The following CELF2 variants were observed in gnomAD, a reference collection of about 807,000 sequenced individuals.
CELF2 encodes the protein CUG triplet repeat RNA-binding protein 2.
CELF2 carries 8 observed loss-of-function variants against 62.6 expected under a neutral mutation model. The observed-to-expected ratio is 0.13, with a 90% CI of 0.07 to 0.23. The LOEUF (loss-of-function observed/expected upper bound fraction) is 0.23, where lower values mean the gene tolerates loss of function less well. CELF2 is among the 10% of genes least tolerant of loss of function. The pLI is 1.00. For synonymous variants in CELF2, 258 were observed against 250.0 expected, an observed-to-expected ratio of 1.03 and a Z score of -0.30; for missense variants, 333 against 671.0, an observed-to-expected ratio of 0.50 and a Z score of 5.56.
chr10:11,293,262 G>A (rs1349096933), intron 9 of CELF2, among the ~76,000 whole-genome samples: 1 of 152,236 alleles, frequency 6.6e-6, no homozygotes, highest in Non-Finnish European at 1.5e-5. Flanking sequence ...TGAGAATAGT[G>A]TGGGTGGGTA....
At chr10:10,989,326 A>G (rs1020056344) in intron 2 of CELF2, among the ~76,000 whole-genome samples, 1 of 152,150 alleles carries the variant, frequency 6.6e-6, no homozygotes, top group Non-Finnish European at 1.5e-5. Context: ...GCTATACCAG[A>G]TGTTAGAAAG....
chr10:11,140,651 A>C (rs1285615469), intron 1 of CELF2, among the ~76,000 whole-genome samples: 1 of 152,208 alleles, frequency 6.6e-6, no homozygotes, highest in Admixed American at 6.5e-5. Context: ...AAATTTCGCT[A>C]TTTAAGATTT....
At chr10:10,752,812 A>AG in the CELF2 span, among the ~76,000 whole-genome samples, 1 of 150,850 alleles carries the variant, frequency 6.6e-6, no homozygotes, top group Admixed American at 6.6e-5. Context: ...TAAAAAAAAA[A>AG]AAAAAAAAAA....
chr10:11,028,034 C>G (rs1038032095), intron 1 of CELF2, among the ~76,000 whole-genome samples: 15 of 152,300 alleles, frequency 9.8e-5, no homozygotes, highest in Middle Eastern at 6.8e-3. Context: ...TCGGAACTTT[C>G]ATGCTTTTAA....
rs1384511880 is a variant in CELF2 at position 11,157,239 on chromosome 10, C to T, written c.75-8247C>T. Among the ~76,000 whole-genome samples, 2 of 152,188 alleles carry T rather than the reference C, an allele frequency of 1.3e-5. No individual in the cohort carries two copies. Among genetic ancestry groups the T allele is most frequent in the African/African-American group, 4.8e-5 (2 of 41,424 alleles). The stretch of plus-strand genomic sequence containing the variant: ...TCACACATGCATGGTTGTAGAGGAG[C>T]TGTGCTCTGGGGCCGCGTTTCCCAC... On this transcript the variant is annotated intron_variant, in intron 1 of 12. Transcript: ENST00000633077. The surrounding 1 kb of genome is among the most constrained non-coding windows in gnomAD (Gnocchi z 4.9).
intron 1 of CELF2, among the ~76,000 whole-genome samples, chr10:11,063,337 A>T (rs1192689418): frequency 2.0e-5 from 3 of 152,234 alleles, no homozygotes; most frequent in African/African-American, 7.2e-5. Flanking sequence ...AATCATTGAA[A>T]GATGTTGACT....
rs71378788 is a variant in CELF2 at position 11,285,826 on chromosome 10, GGTGT to G, written c.842-2543_842-2540del. On this transcript the variant is annotated intron_variant, in intron 8 of 12. Coordinates refer to ENST00000633077, the MANE Select transcript of CELF2 (RefSeq NM_001326342.2). The surrounding 1 kb of genome is among the most constrained non-coding windows in gnomAD (Gnocchi z 4.3). ...TTGCTCATCACCTACTATATATATT[GGTGT>G]GTGTGTGTGTGTGTGTGTGTGTGTG... is the stretch of plus-strand genomic sequence containing the variant. Among the ~76,000 whole-genome samples the G allele has an allele frequency of 0.016, 2,124 of 128,740 alleles. 22 individuals carry two copies. The highest frequency in any genetic ancestry group is 0.022 in the Middle Eastern group (6 of 268). The allele number at this position is 128,740 out of a possible 152,430, so 84.5% of individuals were successfully genotyped here. A position where few individuals can be genotyped will look rare whatever the true frequency, so the allele number is the denominator to read the frequency against.
At position 11,234,551 on chromosome 10, in the gene CELF2, G is replaced by A. The variant is rs543993651; in HGVS notation, c.355-14602G>A. Among the ~76,000 whole-genome samples, 42 of 151,420 alleles carry A rather than the reference G, an allele frequency of 2.8e-4. No individual in the cohort carries two copies. In the South Asian group the frequency reaches 8.2e-3, roughly 30 times the overall value. On this transcript the variant is annotated intron_variant, in intron 3 of 12. Coordinates refer to ENST00000633077, the MANE Select transcript of CELF2 (RefSeq NM_001326342.2). Reference sequence around the variant, plus strand: ...CAAAAAATTAGCCAGATGAGGTGGCGGGCACCTGTAGTCCCAGCTAATCGG... The same window carrying A: ...CAAAAAATTAGCCAGATGAGGTGGCAGGCACCTGTAGTCCCAGCTAATCGG...
rs373843064 is a variant in CELF2 at position 11,296,058 on chromosome 10, G to A, written c.976+7506G>A. 1.3e-5 allele frequency among the ~76,000 whole-genome samples: 2 copies of A among 152,148 alleles called. No homozygotes were observed. Among genetic ancestry groups the A allele is most frequent in the African/African-American group, 4.8e-5 (2 of 41,432 alleles). Reference sequence around the variant, plus strand: ...ATTTACGGTTCACCACAGAGCCCACGCTGGGATTTATGCAAGTAGATTCCA... The same window carrying A: ...ATTTACGGTTCACCACAGAGCCCACACTGGGATTTATGCAAGTAGATTCCA... On this transcript the variant is annotated intron_variant, in intron 9 of 12. Coordinates refer to ENST00000633077, the MANE Select transcript of CELF2 (RefSeq NM_001326342.2). The surrounding 1 kb of genome is among the most constrained non-coding windows in gnomAD (Gnocchi z 5.0).
chr10:10,651,930 C>T, the CELF2 span, among the ~76,000 whole-genome samples: 44 of 150,156 alleles, frequency 2.9e-4, no homozygotes, highest in South Asian at 8.7e-4. Flanking sequence ...CTCTGAGCTA[C>T]GGGAGGACAT....
intron 1 of CELF2, among the ~76,000 whole-genome samples, chr10:10,821,247 G>C (rs902951977): frequency 6.6e-6 from 1 of 152,170 alleles, no homozygotes; most frequent in African/African-American, 2.4e-5. Context: ...TGACTGTCTG[G>C]CTCTGGAATT....
chr10:10,920,066 A>G (rs2064743998), intron 2 of CELF2: 2 of 1,092,778 alleles, frequency 1.8e-6, no homozygotes, highest in Non-Finnish European at 2.3e-6. Context: ...GTACTGTGCC[A>G]TGTCTTCTGT....
intron 2 of CELF2, among the ~76,000 whole-genome samples, chr10:11,215,811 G>A (rs1316488996): frequency 6.6e-6 from 1 of 152,126 alleles, no homozygotes; most frequent in Admixed American, 6.5e-5. Context: ...AATGGTTACT[G>A]GAAACTGGGA....
At chr10:11,307,331 G>A (rs1003681461) in intron 9 of CELF2, among the ~76,000 whole-genome samples, 34 of 152,208 alleles carry the variant, frequency 2.2e-4, no homozygotes, top group African/African-American at 6.8e-4. Flanking sequence ...TTACAGCCTG[G>A]CATACAGGGC....
chr10:10,949,417 G>A (rs148146884), intron 2 of CELF2, among the ~76,000 whole-genome samples: 1 of 152,244 alleles, frequency 6.6e-6, no homozygotes, highest in East Asian at 1.9e-4. Context: ...CAGTGCCATG[G>A]TGGAGGCCAT....
chr10:11,323,132 C>T (rs535985349), intron 11 of CELF2, among the ~76,000 whole-genome samples: 70 of 152,218 alleles, frequency 4.6e-4, no homozygotes, highest in African/African-American at 1.4e-3. Context: ...TCAACTTACT[C>T]GCCTGGAGTT....
intron 1 of CELF2, among the ~76,000 whole-genome samples, chr10:11,162,714 A>G (rs1460825359): frequency 6.6e-6 from 1 of 152,256 alleles, no homozygotes; most frequent in Non-Finnish European, 1.5e-5. Flanking sequence ...TTGAGTCTAT[A>G]CTATAAAAAT....
chr10:11,298,135 G>C (rs11812406), intron 9 of CELF2, among the ~76,000 whole-genome samples: 15,963 of 152,208 alleles, frequency 0.1, 1,643 homozygotes, highest in African/African-American at 0.27. Flanking sequence ...GCCAATGAGA[G>C]CTGAAAGCTG....
At chr10:10,617,432 A>G in the CELF2 span, among the ~76,000 whole-genome samples, 1 of 152,176 alleles carries the variant, frequency 6.6e-6, no homozygotes, top group South Asian at 2.1e-4. Context: ...TTCACAGCTC[A>G]GGTTCAGCAA....
Sources: gnomAD v4.1 joint callset for allele counts (sites outside exome capture counted in the v4.1 genomes callset) on GRCh38, gnomAD v4.1.1 for gene constraint, Gnocchi (gnomAD v3.1) non-coding constraint, MANE v1.5 for transcripts, NCBI Gene and HGNC (gene_info 2026-07-23, HGNC 2026-07-21) for gene names.